GPC6: variants seen among roughly 807,000 people sequenced by gnomAD.
GPC6 encodes the protein glypican-6.
Under a neutral mutation model 55.2 loss-of-function variants are expected in GPC6, and 14 were observed. The ratio of observed to expected loss-of-function variants is 0.25; its 90% CI spans 0.17 to 0.40. The LOEUF is 0.40. GPC6 is among the 10% of genes least tolerant of loss of function. GPC6 has a pLI of 1.00. For missense variants in GPC6, 641 were observed against 708.5 expected, an observed-to-expected ratio of 0.90 and a Z score of 1.08; for synonymous variants, 278 against 259.6, an observed-to-expected ratio of 1.07 and a Z score of -0.68.
chr13:94,332,489 C>T (rs769968703), intron 6 of GPC6, among the ~76,000 whole-genome samples: 23 of 152,302 alleles, frequency 1.5e-4, no homozygotes, highest in African/African-American at 3.8e-4. Context: ...ATGGAAAATG[C>T]GAAGTCTTTG....
chr13:94,238,735 G>A (rs143401533), intron 4 of GPC6, among the ~76,000 whole-genome samples: 2 of 152,242 alleles, frequency 1.3e-5, no homozygotes, highest in African/African-American at 4.8e-5. Flanking sequence ...CACAGTTTGG[G>A]GCTGACACAT....
At chr13:93,553,230 C>T (rs1167681832) in intron 2 of GPC6, among the ~76,000 whole-genome samples, 1 of 149,622 alleles carries the variant, frequency 6.7e-6, no homozygotes, top group Non-Finnish European at 1.5e-5. Context: ...TCCACTGAGC[C>T]AGTGTAAGAG....
intron 2 of GPC6, among the ~76,000 whole-genome samples, chr13:93,639,774 C>G (rs72641680): frequency 0.027 from 4,034 of 152,198 alleles, 72 homozygotes; most frequent in Middle Eastern, 0.054. Flanking sequence ...TCCCAGGGTT[C>G]TCTAAGCCGA....
chr13:93,931,065 G>A (rs1878144754), intron 3 of GPC6, among the ~76,000 whole-genome samples: 1 of 152,128 alleles, frequency 6.6e-6, no homozygotes, highest in African/African-American at 2.4e-5. Context: ...TATGGTGCTA[G>A]CCCATTCAAG....
intron 1 of GPC6, among the ~76,000 whole-genome samples, chr13:93,522,670 A>G (rs994830399): frequency 6.6e-6 from 1 of 151,902 alleles, no homozygotes; most frequent in Non-Finnish European, 1.5e-5. Flanking sequence ...CATCAAAGAC[A>G]AAACAAAACA....
At chr13:93,284,224 A>G (rs1878039801) in intron 1 of GPC6, among the ~76,000 whole-genome samples, 1 of 152,216 alleles carries the variant, frequency 6.6e-6, no homozygotes, top group African/African-American at 2.4e-5. Context: ...GGAGTATCAG[A>G]AGAAAATCCC....
At chr13:93,444,665 AT>A (rs1877935912) in intron 1 of GPC6, among the ~76,000 whole-genome samples, 1 of 152,122 alleles carries the variant, frequency 6.6e-6, no homozygotes, top group African/African-American at 2.4e-5. Flanking sequence ...AAACAAAGAA[AT>A]ATGTTCTTAC....
At chr13:93,960,888 C>G (rs1399439309) in intron 3 of GPC6, among the ~76,000 whole-genome samples, 2 of 149,874 alleles carry the variant, frequency 1.3e-5, no homozygotes, top group Non-Finnish European at 3.0e-5. Flanking sequence ...TCTCGACTCA[C>G]TGCAAGCTCC....
intron 4 of GPC6, among the ~76,000 whole-genome samples, chr13:94,194,597 G>A (rs368101659): frequency 3.9e-5 from 6 of 152,064 alleles, no homozygotes; most frequent in African/African-American, 7.2e-5. Context: ...TTGGAGACTC[G>A]GAGGGAAAGG....
chr13:93,456,654 C>T (rs1357043443), intron 1 of GPC6, among the ~76,000 whole-genome samples: 1 of 152,052 alleles, frequency 6.6e-6, no homozygotes, highest in East Asian at 1.9e-4. Context: ...TGTATGTCAC[C>T]TGCCTGTCTC....
intron 1 of GPC6, among the ~76,000 whole-genome samples, chr13:93,320,382 T>C (rs150151601): frequency 0.012 from 1,798 of 151,576 alleles, 34 homozygotes; most frequent in African/African-American, 0.04. Flanking sequence ...TGTTTAGCTA[T>C]TTATTAAAGA....
chr13:93,406,171 T>A (rs1372555029), intron 1 of GPC6, among the ~76,000 whole-genome samples: 1 of 152,218 alleles, frequency 6.6e-6, no homozygotes, highest in Non-Finnish European at 1.5e-5. Context: ...ATGAAGAATT[T>A]GTGGCCATGC....
At chr13:93,646,568 C>A (rs958018787) in intron 2 of GPC6, among the ~76,000 whole-genome samples, 2 of 152,022 alleles carry the variant, frequency 1.3e-5, no homozygotes, top group Non-Finnish European at 2.9e-5. Flanking sequence ...TATGTCCCCC[C>A]AGCAATTTTA....
chr13:93,538,165 G>A (rs1163683336), intron 1 of GPC6, among the ~76,000 whole-genome samples: 1 of 152,114 alleles, frequency 6.6e-6, no homozygotes, highest in Non-Finnish European at 1.5e-5. Flanking sequence ...TAGTGGCCAT[G>A]TTTCTGGTTC....
intron 1 of GPC6, among the ~76,000 whole-genome samples, chr13:93,276,198 A>G (rs1163530073): frequency 6.6e-6 from 1 of 152,058 alleles, no homozygotes; most frequent in Non-Finnish European, 1.5e-5. Context: ...TTTTATGTTC[A>G]GTGACCAGGG....
chr13:94,213,324 G>T (rs931521976), intron 4 of GPC6, among the ~76,000 whole-genome samples: 1 of 152,112 alleles, frequency 6.6e-6, no homozygotes, highest in African/African-American at 2.4e-5. Flanking sequence ...ATAATTATAG[G>T]TGATCGTTCT....
At chr13:93,789,590 T>G (rs977591651) in intron 2 of GPC6, among the ~76,000 whole-genome samples, 1 of 119,678 alleles carries the variant, frequency 8.4e-6, no homozygotes, top group Non-Finnish European at 1.7e-5. Flanking sequence ...TATATATATA[T>G]AATACTACAT....
intron 3 of GPC6, among the ~76,000 whole-genome samples, chr13:93,879,443 G>C (rs558133109): frequency 8.5e-4 from 130 of 152,108 alleles, no homozygotes; most frequent in African/African-American, 2.6e-3. Context: ...TGACAAACCT[G>C]AGAAAAACAA....
rs554745686 is a variant in GPC6, at chr13:93,947,541, G to A, written c.712-80188G>A. On this transcript the variant is annotated intron_variant, in intron 3 of 8. Transcript: ENST00000377047. Reference sequence around the variant, plus strand: ...AATTTATCAACATGAACAGCAATATGTTGACCTAAAAAAAATTCAGGCAAC... The same window carrying A: ...AATTTATCAACATGAACAGCAATATATTGACCTAAAAAAAATTCAGGCAAC... Among the ~76,000 whole-genome samples the A allele has an allele frequency of 2.6e-5, 4 of 152,234 alleles. No individual in the cohort carries two copies. In the South Asian group the frequency reaches 6.2e-4, roughly 24 times the overall value.
Sources: allele counts gnomAD v4.1 joint callset (sites outside exome capture counted in the v4.1 genomes callset), GRCh38; gene constraint gnomAD v4.1.1; transcripts MANE v1.5; gene names NCBI Gene and HGNC (gene_info 2026-07-23, HGNC 2026-07-21).